The following CHODL variants were observed in gnomAD, a reference collection of about 807,000 sequenced individuals.
The protein encoded by CHODL is chondrolectin, also known as transmembrane protein MT75.
CHODL carries 29 observed loss-of-function variants against 34.5 expected under a neutral mutation model. The ratio of observed to expected loss-of-function variants is 0.84; its 90% CI spans 0.63 to 1.15. The LOEUF is 1.15. CHODL is among the 50% of genes most tolerant of loss of function. The probability of loss-of-function intolerance (pLI) is 0.00; values close to 1 mark genes in which losing one functional copy is unlikely to be tolerated. For synonymous variants in CHODL, 125 were observed against 116.1 expected (o/e 1.08, Z -0.49); for missense variants, 332 against 332.5 (o/e 1.00, Z 0.01).
intron 2 of CHODL, among the ~76,000 whole-genome samples, chr21:18,237,191 G>A (rs1332569121): frequency 6.6e-6 from 1 of 152,076 alleles, no homozygotes; most frequent in Non-Finnish European, 1.5e-5. Flanking sequence ...CAAGATGTGT[G>A]GTTACCATAT....
At chr21:18,040,254 A>G (rs1327919114) in intron 2 of CHODL, among the ~76,000 whole-genome samples, 4 of 151,956 alleles carry the variant, frequency 2.6e-5, no homozygotes, top group African/African-American at 9.6e-5. Flanking sequence ...CTTTCTGCAT[A>G]TGAACTGCCC....
At chr21:18,099,397 T>C (rs1216137519) in intron 2 of CHODL, among the ~76,000 whole-genome samples, 1 of 151,496 alleles carries the variant, frequency 6.6e-6, no homozygotes, top group East Asian at 1.9e-4. Flanking sequence ...AGTAAAAAAA[T>C]TTAAAAATAA....
intron 2 of CHODL, among the ~76,000 whole-genome samples, chr21:18,139,737 G>C (rs2072779239): frequency 6.6e-6 from 1 of 152,178 alleles, no homozygotes; most frequent in Admixed American, 6.5e-5. Flanking sequence ...ACGACATTTA[G>C]ATGTGTATTC....
At chr21:18,229,023 G>A (rs139688934) in intron 2 of CHODL, among the ~76,000 whole-genome samples, 154 of 152,166 alleles carry the variant, frequency 1.0e-3, no homozygotes, top group African/African-American at 3.6e-3. Flanking sequence ...GAACTCATGA[G>A]GTCAATAATT....
chr21:17,952,424 A>AGATAAT (rs1330590390), intron 1 of CHODL, among the ~76,000 whole-genome samples: 2 of 152,112 alleles, frequency 1.3e-5, no homozygotes, highest in Admixed American at 1.3e-4. Context: ...GAATGCCAGA[A>AGATAAT]GATAATGGAA....
chr21:17,977,811 C>A (rs1480408162), intron 1 of CHODL, among the ~76,000 whole-genome samples: 5 of 145,320 alleles, frequency 3.4e-5, no homozygotes, highest in Non-Finnish European at 7.5e-5. Flanking sequence ...CCCAGCTACT[C>A]AGGAGGCTGA....
intron 2 of CHODL, among the ~76,000 whole-genome samples, chr21:18,079,708 A>G (rs1005687848): frequency 1.3e-5 from 2 of 150,260 alleles, no homozygotes; most frequent in African/African-American, 4.9e-5. Context: ...TAGTGCTGTG[A>G]CAAACCATAC....
intron 2 of CHODL, among the ~76,000 whole-genome samples, chr21:18,139,741 T>G (rs1292731835): frequency 6.6e-6 from 1 of 152,198 alleles, no homozygotes; most frequent in East Asian, 1.9e-4. Flanking sequence ...CATTTAGATG[T>G]GTATTCCAGG....
At chr21:17,984,399 G>A (rs1201776068) in intron 1 of CHODL, among the ~76,000 whole-genome samples, 3 of 152,150 alleles carry the variant, frequency 2.0e-5, no homozygotes, top group African/African-American at 4.8e-5. Context: ...AATTGGGATT[G>A]CGGGATCATA....
At chr21:18,245,594 G>C in intron 1 of CHODL, among the ~76,000 whole-genome samples, 1 of 152,128 alleles carries the variant, frequency 6.6e-6, no homozygotes, top group South Asian at 2.1e-4. Context: ...CACTTTCTTT[G>C]TGAGAGAGTT....
chr21:18,212,799 A>G (rs1431770401), intron 2 of CHODL, among the ~76,000 whole-genome samples: 1 of 152,154 alleles, frequency 6.6e-6, no homozygotes, highest in African/African-American at 2.4e-5. Context: ...GTGTGTTGAT[A>G]TTCTTCTATG....
intron 2 of CHODL, among the ~76,000 whole-genome samples, chr21:18,115,819 TCTACAC>T (rs1445499847): frequency 1.3e-5 from 2 of 152,196 alleles, no homozygotes; most frequent in African/African-American, 4.8e-5. Context: ...TGCTTCATCT[TCTACAC>T]CTGAGAAATC....
At chr21:17,943,008 C>A (rs569743218) in intron 1 of CHODL, among the ~76,000 whole-genome samples, 1 of 152,138 alleles carries the variant, frequency 6.6e-6, no homozygotes, top group Non-Finnish European at 1.5e-5. Flanking sequence ...CTTTTTGCCA[C>A]GATTGTAAGT....
intron 2 of CHODL, among the ~76,000 whole-genome samples, chr21:18,067,324 A>G (rs1318624165): frequency 6.6e-6 from 1 of 152,244 alleles, no homozygotes; most frequent in African/African-American, 2.4e-5. Flanking sequence ...TAGTCAAGTT[A>G]AGATGAAGTC....
At chr21:18,129,888 TTCTCTGTGTGTGTG>T (rs2072632062) in intron 2 of CHODL, among the ~76,000 whole-genome samples, 2 of 110,076 alleles carry the variant, frequency 1.8e-5, no homozygotes, top group South Asian at 3.2e-4. Flanking sequence ...CTCTCTGTCT[TTCTCTGTGTGTGTG>T]TGTGTGTGTG....
intron 2 of CHODL, among the ~76,000 whole-genome samples, chr21:18,197,902 A>T (rs1375187437): frequency 1.3e-5 from 2 of 152,218 alleles, no homozygotes; most frequent in African/African-American, 4.8e-5. Flanking sequence ...TGAGCATATA[A>T]TTTGCAAATG....
intron 2 of CHODL, among the ~76,000 whole-genome samples, chr21:18,169,412 A>G (rs536499949): frequency 5.7e-4 from 86 of 151,432 alleles, no homozygotes; most frequent in African/African-American, 1.8e-3. Context: ...TAATCTAGCT[A>G]AAGTTTTGCC....
chr21:18,169,917 T>G (rs545010022), intron 2 of CHODL, among the ~76,000 whole-genome samples: 1 of 152,054 alleles, frequency 6.6e-6, no homozygotes, highest in Non-Finnish European at 1.5e-5. Flanking sequence ...TTTTCCAAAT[T>G]TCCTTCTGTT....
chr21:18,211,498 A>T (rs1412158949), intron 2 of CHODL, among the ~76,000 whole-genome samples: 1 of 152,208 alleles, frequency 6.6e-6, no homozygotes, highest in Non-Finnish European at 1.5e-5. Context: ...ACAGGTCAGG[A>T]AGAGGTTTGG....
Sources: allele counts gnomAD v4.1 joint callset (sites outside exome capture counted in the v4.1 genomes callset), GRCh38; gene constraint gnomAD v4.1.1; transcripts MANE v1.5; gene names NCBI Gene and HGNC (gene_info 2026-07-23, HGNC 2026-07-21).